NAALADL2: variants seen among roughly 807,000 people sequenced by gnomAD.
NAALADL2 encodes the protein inactive N-acetylated-alpha-linked acidic dipeptidase-like protein 2.
NAALADL2 carries 76 observed loss-of-function variants against 87.2 expected under a neutral mutation model. The observed-to-expected ratio is 0.87, with a 90% CI of 0.72 to 1.05. The LOEUF is 1.05. Among genes scored for constraint, NAALADL2 ranks in the 50% least tolerant of loss-of-function variants. NAALADL2 has a pLI of 0.00. For synonymous variants in NAALADL2, 354 were observed against 331.0 expected (o/e 1.07, Z -0.75); for missense variants, 1,089 against 945.8 (o/e 1.15, Z -1.99).
chr3:174,843,379 T>C (rs990836852), intron 3 of NAALADL2, among the ~76,000 whole-genome samples: 19 of 152,252 alleles, frequency 1.2e-4, no homozygotes, highest in African/African-American at 4.6e-4. Flanking sequence ...TCTCATCTTT[T>C]TTATGGTTGA....
At chr3:175,646,795 C>T (rs928107587) in intron 11 of NAALADL2, among the ~76,000 whole-genome samples, 1 of 152,016 alleles carries the variant, frequency 6.6e-6, no homozygotes, top group Non-Finnish European at 1.5e-5. Context: ...ATCTGATCTA[C>T]CTTTCTTATA....
In NAALADL2 at chr3:175,741,585, GT is replaced by G. The variant is rs762745438; in HGVS notation, c.1990+4196del. On this transcript the variant is annotated intron_variant, in intron 12 of 13. Transcript: ENST00000454872. ...TAGATTAGAAAAACATAAAATAGCTGTTTTTTTTTTAGGAGGGTAAGAAAGT... is the reference window on the plus strand; with the variant it reads ...TAGATTAGAAAAACATAAAATAGCTGTTTTTTTTTAGGAGGGTAAGAAAGT... Among the ~76,000 whole-genome samples, 135 of 146,316 alleles carry G rather than the reference GT, an allele frequency of 9.2e-4. 1 individual carries two copies. Among genetic ancestry groups the G allele is most frequent in the African/African-American group, 2.9e-3 (116 of 40,172 alleles).
chr3:174,833,408 G>A (rs1722964937), intron 3 of NAALADL2, among the ~76,000 whole-genome samples: 1 of 152,062 alleles, frequency 6.6e-6, no homozygotes, highest in South Asian at 2.1e-4. Context: ...AAACAAATTT[G>A]TAGTTAAAAA....
intron 2 of NAALADL2, among the ~76,000 whole-genome samples, chr3:174,655,611 C>G (rs550882641): frequency 3.3e-5 from 5 of 150,874 alleles, no homozygotes; most frequent in African/African-American, 1.2e-4. Flanking sequence ...GTTTTAATAT[C>G]CCTTTGAATA....
chr3:175,333,173 G>A (rs779655558), intron 5 of NAALADL2, among the ~76,000 whole-genome samples: 1 of 152,098 alleles, frequency 6.6e-6, no homozygotes, highest in Admixed American at 6.5e-5. Flanking sequence ...GCTTCAATGG[G>A]CCAGTCCTCT....
chr3:174,828,512 A>G (rs1445212711), intron 3 of NAALADL2, among the ~76,000 whole-genome samples: 1 of 152,222 alleles, frequency 6.6e-6, no homozygotes, highest in Non-Finnish European at 1.5e-5. Context: ...GTGAAACTAA[A>G]GTTGCTGTAT....
At chr3:175,495,092 A>ATATATATATATATTTT (rs754412056) in intron 9 of NAALADL2, among the ~76,000 whole-genome samples, 1 of 136,502 alleles carries the variant, frequency 7.3e-6, no homozygotes, top group Non-Finnish European at 1.6e-5. Context: ...ATATATATAT[A>ATATATATATATATTTT]TTTTTTTTTA....
At chr3:174,480,091 T>G (rs1056946530) in intron 1 of NAALADL2, among the ~76,000 whole-genome samples, 4 of 152,128 alleles carry the variant, frequency 2.6e-5, no homozygotes, top group Admixed American at 1.3e-4. Context: ...TGGCTTGCCT[T>G]TACAGATTTA....
chr3:174,836,511 C>G (rs1723340051), intron 3 of NAALADL2, among the ~76,000 whole-genome samples: 1 of 151,882 alleles, frequency 6.6e-6, no homozygotes, highest in Non-Finnish European at 1.5e-5. Flanking sequence ...ACCATCCTGG[C>G]TAACACGGTG....
intron 5 of NAALADL2, among the ~76,000 whole-genome samples, chr3:175,372,168 G>A (rs1408977658): frequency 1.3e-5 from 2 of 152,130 alleles, no homozygotes; most frequent in Non-Finnish European, 2.9e-5. Flanking sequence ...AGACTTTACT[G>A]AACTGCTAGT....
rs553802925 is a variant in NAALADL2 at position 175,753,988 on chromosome 3, T to C, written c.1991-1232T>C. ...CCTTGTTGAAGCCAGTTGTACCTAGTCTGCTGAGAATGATACCAGTAATTG... is the reference window on the plus strand; with the variant it reads ...CCTTGTTGAAGCCAGTTGTACCTAGCCTGCTGAGAATGATACCAGTAATTG... On this transcript the variant is annotated intron_variant, in intron 12 of 13. Transcript: ENST00000454872. Among the ~76,000 whole-genome samples the C allele has an allele frequency of 2.8e-3, 429 of 152,272 alleles. 1 individual carries two copies. The highest frequency in any genetic ancestry group is 9.7e-3 in the African/African-American group (403 of 41,540).
At chr3:174,799,381 G>A (rs76428143) in intron 3 of NAALADL2, among the ~76,000 whole-genome samples, 4 of 152,076 alleles carry the variant, frequency 2.6e-5, no homozygotes, top group Non-Finnish European at 4.4e-5. Flanking sequence ...CTGAATCATG[G>A]GAGAAGGTCT....
At chr3:174,594,267 G>T (rs1717665057) in intron 2 of NAALADL2, among the ~76,000 whole-genome samples, 1 of 152,094 alleles carries the variant, frequency 6.6e-6, no homozygotes, top group Admixed American at 6.5e-5. Context: ...TGGTGAAGTG[G>T]TTGGAACATG....
chr3:174,519,768 A>G (rs1382047033), intron 1 of NAALADL2, among the ~76,000 whole-genome samples: 6 of 152,174 alleles, frequency 3.9e-5, no homozygotes, highest in African/African-American at 1.4e-4. Context: ...AGATCAGAAA[A>G]AACATTCAAT....
chr3:174,566,109 T>C (rs1411814508), intron 2 of NAALADL2, among the ~76,000 whole-genome samples: 1 of 151,938 alleles, frequency 6.6e-6, no homozygotes, highest in Admixed American at 6.6e-5. Context: ...ATTCTTGAAA[T>C]GTATCATATA....
intron 13 of NAALADL2, among the ~76,000 whole-genome samples, chr3:175,787,599 G>A (rs1198864261): frequency 6.6e-6 from 1 of 151,758 alleles, no homozygotes; most frequent in African/African-American, 2.4e-5. Context: ...CCACTGACCT[G>A]CGCCCACTGT....
chr3:174,498,204 C>G (rs1340281840), intron 1 of NAALADL2, among the ~76,000 whole-genome samples: 1 of 152,098 alleles, frequency 6.6e-6, no homozygotes, highest in Non-Finnish European at 1.5e-5. Flanking sequence ...TCTTGCCCTT[C>G]CCCTAGTTCC....
At chr3:175,762,377 T>C (rs1201301938) in intron 13 of NAALADL2, among the ~76,000 whole-genome samples, 1 of 152,134 alleles carries the variant, frequency 6.6e-6, no homozygotes, top group Non-Finnish European at 1.5e-5. Context: ...ATAACAATGA[T>C]ATTATAGGAG....
intron 5 of NAALADL2, among the ~76,000 whole-genome samples, chr3:175,386,288 G>A (rs554357621): frequency 6.6e-6 from 1 of 151,590 alleles, no homozygotes; most frequent in African/African-American, 2.4e-5. Context: ...TATTTTCAAA[G>A]AAGCTGTTCA....
Sources: allele counts gnomAD v4.1 joint callset (sites outside exome capture counted in the v4.1 genomes callset), GRCh38; gene constraint gnomAD v4.1.1; transcripts MANE v1.5; gene names NCBI Gene and HGNC (gene_info 2026-07-23, HGNC 2026-07-21).